ANP32E: variants seen among roughly 807,000 people sequenced by gnomAD.
ANP32E encodes acidic leucine-rich nuclear phosphoprotein 32 family member E.
A neutral mutation model predicts 35.3 loss-of-function variants in ANP32E; 14 were observed. The ratio of observed to expected loss-of-function variants is 0.40; its 90% CI spans 0.26 to 0.62. The LOEUF (loss-of-function observed/expected upper bound fraction) is 0.62, where lower values mean the gene tolerates loss of function less well. ANP32E is among the 20% of genes least tolerant of loss of function. The pLI is 0.45. For synonymous variants in ANP32E, 89 were observed against 110.4 expected (o/e 0.81, Z 1.22); for missense variants, 198 against 304.4 (o/e 0.65, Z 2.60).
rs587652193 is a variant in ANP32E at position 150,229,066 on chromosome 1, G to T, written c.493+6C>A. ...TGACACACTTATGAGTATTAAGAACGATTACCCTCATCATCCTCCTCTTCA... is the reference window on the plus strand; with the variant it reads ...TGACACACTTATGAGTATTAAGAACTATTACCCTCATCATCCTCCTCTTCA... On this transcript the variant is annotated splice_donor_region_variant and intron_variant, in intron 4 of 6. Coordinates refer to ENST00000583931, the MANE Select transcript of ANP32E (RefSeq NM_030920.5). 2 of 1,611,380 alleles carry T rather than the reference G, an allele frequency of 1.2e-6. No homozygotes were observed. Among genetic ancestry groups the T allele is most frequent in the African/African-American group, 2.7e-5 (2 of 74,830 alleles).
chr1:150,218,761 T>A lies in ANP32E; in HGVS notation c.*1930A>T, dbSNP rs587753965. On this transcript the variant is annotated 3_prime_UTR_variant, in exon 7 of 7. Coordinates refer to ENST00000583931, the MANE Select transcript of ANP32E (RefSeq NM_030920.5). ...AATACCACCCACAAAGCTAAATAAG[T>A]CTTAAAAGTTATCTGGAGGCTCTAA... 2.3e-4 allele frequency: 35 copies of A among 152,730 alleles called. No individual in the cohort carries two copies. Among genetic ancestry groups the A allele is most frequent in the African/African-American group, 8.2e-4 (34 of 41,576 alleles). The allele number at this position is 152,730 out of a possible 1,614,324, so 9.5% of individuals were successfully genotyped here. A position where few individuals can be genotyped will look rare whatever the true frequency, so the allele number is the denominator to read the frequency against.
chr1:150,225,853 C>T (rs1474576991), intron 5 of ANP32E, among the ~76,000 whole-genome samples: 1 of 151,914 alleles, frequency 6.6e-6, no homozygotes, highest in African/African-American at 2.4e-5. Flanking sequence ...TGTATTCAGA[C>T]AGACTATTTA....
chr1:150,224,775 G>A (rs1318801976), intron 5 of ANP32E, among the ~76,000 whole-genome samples: 1 of 152,042 alleles, frequency 6.6e-6, no homozygotes, highest in Admixed American at 6.5e-5. Flanking sequence ...GTCTAAATAA[G>A]AGATGTTATT....
At chr1:150,230,877 G>C (rs1036027514) in intron 2 of ANP32E, among the ~76,000 whole-genome samples, 184 bp from the exon 3 acceptor site, 3 of 151,884 alleles carry the variant, frequency 2.0e-5, no homozygotes, top group African/African-American at 7.3e-5. Context: ...CAAGTAGCTG[G>C]GATTACAGGT....
Position 150,235,915 on chromosome 1 carries a change from A to G in ANP32E, c.-129T>C. On this transcript the variant is annotated 5_prime_UTR_variant, in exon 1 of 7. Coordinates refer to ENST00000583931, the MANE Select transcript of ANP32E (RefSeq NM_030920.5). The surrounding 1 kb of genome is among the most constrained non-coding windows in gnomAD (Gnocchi z 4.2). ...AACGCAAATATAAACGCCCACTACC[A>G]CCACCAGATAGGTGTGGGGGAGAAA... is the stretch of plus-strand genomic sequence containing the variant. 3.0e-6 allele frequency: 2 copies of G among 662,606 alleles called. No individual in the cohort carries two copies. The highest frequency in any genetic ancestry group is 3.5e-5 in the South Asian group (2 of 56,564). The allele number at this position is 662,606 out of a possible 1,614,324, so 41.0% of individuals were successfully genotyped here. A position where few individuals can be genotyped will look rare whatever the true frequency, so the allele number is the denominator to read the frequency against.
At position 150,229,374 on chromosome 1, in the gene ANP32E, T is replaced by C. The variant is rs587718878; in HGVS notation, c.328-137A>G. ...ATTCAGCGCCACGATCTCTGCTCAC[T>C]GCAACCTCCGCCTCCCGGGTTCAAG... On this transcript the variant is annotated intron_variant, in intron 3 of 6. Transcript: ENST00000583931. 13 of 560,078 alleles carry C rather than the reference T, an allele frequency of 2.3e-5. No homozygotes were observed. In the East Asian group the frequency reaches 4.3e-4, roughly 19 times the overall value. The allele number at this position is 560,078 out of a possible 1,614,324, so 34.7% of individuals were successfully genotyped here.
rs782032251 is a variant in ANP32E, at chr1:150,220,779, A to G, written c.737-18T>C. 9 of 1,605,534 alleles carry G rather than the reference A, an allele frequency of 5.6e-6. No homozygotes were observed. Among genetic ancestry groups the G allele is most frequent in the Non-Finnish European group, 7.7e-6 (9 of 1,172,670 alleles). On this transcript the variant is annotated intron_variant, in intron 6 of 6. Transcript: ENST00000583931. ...TCCTTCTTCTTAAAGAGTGGAAAGAAAAATGCAAAGTGCTTAATTTTAACA... is the reference window on the plus strand; with the variant it reads ...TCCTTCTTCTTAAAGAGTGGAAAGAGAAATGCAAAGTGCTTAATTTTAACA...
At chr1:150,232,328 A>G (rs1649417165) in intron 1 of ANP32E, among the ~76,000 whole-genome samples, 1 of 91,426 alleles carries the variant, frequency 1.1e-5, no homozygotes, top group Non-Finnish European at 2.1e-5. Flanking sequence ...TGGGCGACAG[A>G]GGGAGACTCC....
At chr1:150,232,039 T>G in intron 1 of ANP32E, 113 bp from the exon 2 acceptor site, 1 of 1,127,244 alleles carries the variant, frequency 8.9e-7, no homozygotes, top group East Asian at 2.7e-5. Context: ...CCAGTTTGAT[T>G]GCCCGTCAGT....
chr1:150,220,714 C>G lies in ANP32E; in HGVS notation c.784G>C (p.Asp262His), dbSNP rs781837866. The change falls in exon 7 of 7, where the codon GAT becomes CAT. Residue 262 changes from aspartate (D) to histidine (H), a missense_variant. By Grantham distance (81) the Asp-to-His change is moderately conservative. Coordinates refer to ENST00000583931, the MANE Select transcript of ANP32E (RefSeq NM_030920.5). Reference sequence around the variant, plus strand: ...ATCTAGTCATCTTCTTCCTCTCCATCGTCTTCAGCATCTCGTTTCCTCTTC... The same window carrying G: ...ATCTAGTCATCTTCTTCCTCTCCATGGTCTTCAGCATCTCGTTTCCTCTTC... ...GEKRKRDAED[D>H]GEEEDD 3.1e-6 allele frequency: 5 copies of G among 1,613,888 alleles called. No individual in the cohort carries two copies. In the African/African-American group the frequency reaches 5.3e-5, roughly 17 times the overall value.
intron 6 of ANP32E, 133 bp downstream of exon 6, chr1:150,223,053 G>A: frequency 1.8e-6 from 2 of 1,113,794 alleles, no homozygotes; most frequent in Non-Finnish European, 2.5e-6. Context: ...CTATGATAAA[G>A]CAAAATCAAA....
intron 5 of ANP32E, 53 bp downstream of exon 5, chr1:150,226,555 T>C: frequency 1.3e-6 from 2 of 1,598,722 alleles, no homozygotes; most frequent in Non-Finnish European, 1.7e-6. Flanking sequence ...ATATAGTACT[T>C]ACTCCTATGC....
rs909437426 is a variant in ANP32E, at chr1:150,225,923, T to G, written c.681+685A>C. On this transcript the variant is annotated intron_variant, in intron 5 of 6. Coordinates refer to ENST00000583931, the MANE Select transcript of ANP32E (RefSeq NM_030920.5). ...TAGGAGAAAGAAACTTAAGTTTTCT[T>G]GAGTGCCTATAATGTGCCAGGGACT... Among the ~76,000 whole-genome samples, 13 of 151,984 alleles carry G rather than the reference T, an allele frequency of 8.6e-5. 1 individual carries two copies. The South Asian group carries it at 2.7e-3, about 32-fold the overall frequency.
At chr1:150,222,222 C>A (rs940437742) in intron 6 of ANP32E, among the ~76,000 whole-genome samples, 1 of 151,578 alleles carries the variant, frequency 6.6e-6, no homozygotes, top group Admixed American at 6.6e-5. Flanking sequence ...AGATCGAGAG[C>A]AACCTTGCTA....
intron 2 of ANP32E, among the ~76,000 whole-genome samples, chr1:150,231,520 G>A (rs1456794978): frequency 1.3e-5 from 2 of 152,180 alleles, no homozygotes; most frequent in African/African-American, 2.4e-5. Flanking sequence ...CTTGAGCTCG[G>A]GAGGCAGAGG....
rs1559994099 is a variant in ANP32E, at chr1:150,221,604, G to GGAAGGAAGGAAGGAAGGAA, written c.737-844_737-843insTTCCTTCCTTCCTTCCTTC. Among the ~76,000 whole-genome samples, 34 of 36,896 alleles carry GGAAGGAAGGAAGGAAGGAA rather than the reference G, an allele frequency of 9.2e-4. 3 individuals are homozygous for GGAAGGAAGGAAGGAAGGAA. Among genetic ancestry groups the GGAAGGAAGGAAGGAAGGAA allele is most frequent in the South Asian group, 5.2e-3 (3 of 578 alleles). The allele number at this position is 36,896 out of a possible 152,430, so 24.2% of individuals were successfully genotyped here. On this transcript the variant is annotated intron_variant, in intron 6 of 6. Coordinates refer to ENST00000583931, the MANE Select transcript of ANP32E (RefSeq NM_030920.5). ...AGGAAGGGAGGGAGGGAGGGAGGGA[G>GGAAGGAAGGAAGGAAGGAA]GGAAGGAAGGAAGGAAGGAAGGAAA...
At chr1:150,226,421 A>G (rs1648879637) in intron 5 of ANP32E, among the ~76,000 whole-genome samples, 187 bp downstream of exon 5, 1 of 152,208 alleles carries the variant, frequency 6.6e-6, no homozygotes, top group African/African-American at 2.4e-5. Flanking sequence ...GGTAAAATCA[A>G]TAGGTGTTTA....
At position 150,232,484 on chromosome 1, in the gene ANP32E, T is replaced by TTC. The variant is rs1375215300; in HGVS notation, c.55-559_55-558insGA. Among the ~76,000 whole-genome samples, 6 of 24,716 alleles carry TTC rather than the reference T, an allele frequency of 2.4e-4. 2 individuals carry two copies. In the Non-Finnish European group the frequency reaches 4.4e-3, roughly 18 times the overall value. 16.2% of individuals were successfully genotyped at this position (24,716 alleles called of 152,430 possible). The stretch of plus-strand genomic sequence containing the variant: ...TTAAATTTCTTTTTTCTTTTTTTTT[T>TTC]TTTGTAGATGGAGTCTTGCTCTGTT... On this transcript the variant is annotated intron_variant, in intron 1 of 6. Coordinates refer to ENST00000583931, the MANE Select transcript of ANP32E (RefSeq NM_030920.5).
intron 4 of ANP32E, among the ~76,000 whole-genome samples, chr1:150,227,658 G>A (rs1648980739): frequency 6.6e-6 from 1 of 151,324 alleles, no homozygotes; most frequent in African/African-American, 2.4e-5. Context: ...TTGGGTGAGA[G>A]GATCAGTAGA....
Sources: gnomAD v4.1 joint callset for allele counts (sites outside exome capture counted in the v4.1 genomes callset) on GRCh38, gnomAD v4.1.1 for gene constraint, Gnocchi (gnomAD v3.1) non-coding constraint, MANE v1.5 for transcripts, NCBI Gene and HGNC (gene_info 2026-07-23, HGNC 2026-07-21) for gene names.